Variants in CDC5L observed in about 807,000 individuals in gnomAD.
CDC5L encodes cell division cycle 5-like protein.
A neutral mutation model predicts 104.1 loss-of-function variants in CDC5L; 18 were observed. That is an observed-to-expected ratio of 0.17 (90% CI 0.12 to 0.26). The LOEUF (loss-of-function observed/expected upper bound fraction) is 0.26. CDC5L is among the 10% of genes least tolerant of loss of function. The pLI is 1.00. For synonymous variants in CDC5L, 331 were observed against 322.7 expected, an observed-to-expected ratio of 1.03 and a Z score of -0.28; for missense variants, 673 against 956.9, an observed-to-expected ratio of 0.70 and a Z score of 3.91.
Position 44,408,321 on chromosome 6 carries a change from C to A in CDC5L, c.904-123C>A, listed in dbSNP as rs567164340. 5.2e-6 allele frequency: 3 copies of A among 576,612 alleles called. No individual in the cohort carries two copies. The African/African-American group carries it at 5.8e-5, about 11-fold the overall frequency. The allele number at this position is 576,612 out of a possible 1,614,324, so 35.7% of individuals were successfully genotyped here. A position where few individuals can be genotyped will look rare whatever the true frequency, so the allele number is the denominator to read the frequency against. ...TTTGCTGTGTTGCCCAGGTAGGTCC[C>A]GAACTCCTGGGCTCAAACAGTTTGC... On this transcript the variant is annotated intron_variant, in intron 7 of 15. Transcript: ENST00000371477.
intron 6 of CDC5L, 121 bp from the exon 7 acceptor site, chr6:44,406,201 CT>C: frequency 1.3e-6 from 1 of 764,776 alleles, no homozygotes. Flanking sequence ...TGCACCTGGC[CT>C]TTTCAGTTAT....
intron 9 of CDC5L, among the ~76,000 whole-genome samples, chr6:44,422,065 G>A (rs549041525): frequency 2.6e-5 from 4 of 152,340 alleles, no homozygotes; most frequent in Non-Finnish European, 4.4e-5. Flanking sequence ...AATATAGGTT[G>A]CTGCAAAATC....
chr6:44,403,011 A>G (rs1243135694), intron 5 of CDC5L, among the ~76,000 whole-genome samples: 1 of 152,204 alleles, frequency 6.6e-6, no homozygotes, highest in African/African-American at 2.4e-5. Flanking sequence ...TCCTCAGGCT[A>G]AAGGCTAAGG....
intron 8 of CDC5L, among the ~76,000 whole-genome samples, chr6:44,412,781 C>CA (rs754010832): frequency 9.4e-6 from 1 of 106,590 alleles, no homozygotes; most frequent in Non-Finnish European, 1.7e-5. Flanking sequence ...AGAATAATTT[C>CA]TTTTTTTTTT....
rs573090578 is a variant in CDC5L, at chr6:44,394,559, G to A, written c.439+986G>A. 7.9e-5 allele frequency among the ~76,000 whole-genome samples: 12 copies of A among 152,160 alleles called. 1 individual carries two copies. The South Asian group carries it at 2.5e-3, about 32-fold the overall frequency. On this transcript the variant is annotated intron_variant, in intron 4 of 15. Coordinates refer to ENST00000371477, the MANE Select transcript of CDC5L (RefSeq NM_001253.4). The stretch of plus-strand genomic sequence containing the variant: ...CTAAGTGTCCATTAATGGGTGAATG[G>A]ATAAAGAAAATGTGGACTGGGCATG...
chr6:44,411,947 A>C (rs1791661908), intron 8 of CDC5L, among the ~76,000 whole-genome samples: 1 of 152,220 alleles, frequency 6.6e-6, no homozygotes, highest in Non-Finnish European at 1.5e-5. Flanking sequence ...GTTCGGACAG[A>C]CTGGGAAAGA....
rs1293207 is a variant in CDC5L at position 44,439,115 on chromosome 6, G to A, written c.2092-6540G>A. ...CATAAGTGGAATCATGTAATATGTG[G>A]TCTTTTGTGATGGGCTTCTTTTACT... On this transcript the variant is annotated intron_variant, in intron 14 of 15. Coordinates refer to ENST00000371477, the MANE Select transcript of CDC5L (RefSeq NM_001253.4). Among the ~76,000 whole-genome samples the A allele has an allele frequency of 7.4e-3, 1,121 of 152,204 alleles. 13 individuals carry two copies. Among genetic ancestry groups the A allele is most frequent in the African/African-American group, 0.025 (1,041 of 41,520 alleles).
chr6:44,392,518 TA>T, intron 2 of CDC5L, 148 bp from the exon 3 acceptor site: 1 of 617,684 alleles, frequency 1.6e-6, no homozygotes, highest in Non-Finnish European at 2.8e-6. Flanking sequence ...TTGACTGGGG[TA>T]AGTGTAACCA....
intron 14 of CDC5L, among the ~76,000 whole-genome samples, chr6:44,443,926 C>T (rs750762992): frequency 2.6e-5 from 4 of 151,816 alleles, no homozygotes; most frequent in East Asian, 1.9e-4. Flanking sequence ...CTGTGCATTA[C>T]GTGAGACAAC....
chr6:44,421,172 C>G (rs1478857676), intron 9 of CDC5L, among the ~76,000 whole-genome samples: 1 of 152,226 alleles, frequency 6.6e-6, no homozygotes, highest in Non-Finnish European at 1.5e-5. Context: ...TATCCATCCA[C>G]CAATCCATCA....
chr6:44,430,015 A>G (rs1792603915), intron 14 of CDC5L, 105 bp downstream of exon 14: 1 of 807,538 alleles, frequency 1.2e-6, no homozygotes, highest in Admixed American at 2.7e-5. Flanking sequence ...TGAGGTGCTT[A>G]TTGCCTTTTT....
chr6:44,405,964 C>T (rs1791345394), intron 6 of CDC5L, among the ~76,000 whole-genome samples: 1 of 151,068 alleles, frequency 6.6e-6, no homozygotes, highest in South Asian at 2.1e-4. Flanking sequence ...TATAGTGGTG[C>T]GATCTCAGCT....
chr6:44,439,963 G>A (rs1793105541), intron 14 of CDC5L, among the ~76,000 whole-genome samples: 1 of 152,108 alleles, frequency 6.6e-6, no homozygotes, highest in South Asian at 2.1e-4. Context: ...CCTTCAACCA[G>A]TATATCCTAA....
chr6:44,406,244 G>A, intron 6 of CDC5L, 79 bp from the exon 7 acceptor site: 1 of 1,074,316 alleles, frequency 9.3e-7, no homozygotes, highest in Non-Finnish European at 1.4e-6. Context: ...TGTTCAAAGG[G>A]TTTGAGTATT....
chr6:44,438,665 C>CTTTTTTTT (rs749816182), intron 14 of CDC5L, among the ~76,000 whole-genome samples: 2 of 106,250 alleles, frequency 1.9e-5, no homozygotes, highest in African/African-American at 3.3e-5. Context: ...GAAGTTTTGT[C>CTTTTTTTT]TTTTTTTTTT....
chr6:44,446,583 A>C (rs762962659), intron 15 of CDC5L, 24 bp from the exon 16 acceptor site: 1 of 1,183,636 alleles, frequency 8.4e-7, no homozygotes, highest in Non-Finnish European at 1.2e-6. Flanking sequence ...ATCTAAAATA[A>C]TTACTTAATT....
At chr6:44,432,657 A>G (rs1792739037) in intron 14 of CDC5L, among the ~76,000 whole-genome samples, 1 of 152,208 alleles carries the variant, frequency 6.6e-6, no homozygotes, top group Non-Finnish European at 1.5e-5. Context: ...ACCATCTCAG[A>G]TTTTATGTAG....
chr6:44,443,435 A>G (rs1335263253), intron 14 of CDC5L, among the ~76,000 whole-genome samples: 2 of 151,850 alleles, frequency 1.3e-5, no homozygotes, highest in Admixed American at 1.3e-4. Flanking sequence ...TTATTTGAAT[A>G]TGTTAGTTGT....
chr6:44,403,705 T>G, intron 5 of CDC5L, 104 bp from the exon 6 acceptor site: 1 of 788,788 alleles, frequency 1.3e-6, no homozygotes, highest in East Asian at 2.7e-5. Context: ...TTTAAATAAC[T>G]ATTTCTTCCC....
Sources: gnomAD v4.1 joint callset for allele counts (sites outside exome capture counted in the v4.1 genomes callset) on GRCh38, gnomAD v4.1.1 for gene constraint, MANE v1.5 for transcripts, NCBI Gene and HGNC (gene_info 2026-07-23, HGNC 2026-07-21) for gene names.